Variants in FGF18 observed in about 807,000 individuals in gnomAD.
FGF18 encodes fibroblast growth factor 18.
A neutral mutation model predicts 23.0 loss-of-function variants in FGF18; 5 were observed. The observed-to-expected ratio is 0.22, with a 90% confidence interval of 0.11 to 0.46. The LOEUF (loss-of-function observed/expected upper bound fraction) is 0.46, where lower values mean the gene tolerates loss of function less well. Among genes scored for constraint, FGF18 ranks in the 20% least tolerant of loss-of-function variants. FGF18 has a pLI of 0.99. For synonymous variants in FGF18, 117 were observed against 118.9 expected, an observed-to-expected ratio of 0.98 and a Z score of 0.10; for missense variants, 180 against 291.6, an observed-to-expected ratio of 0.62 and a Z score of 2.79.
chr5:171,446,662 C>G (rs1349279574), intron 3 of FGF18, among the ~76,000 whole-genome samples: 1 of 152,136 alleles, frequency 6.6e-6, no homozygotes, highest in Non-Finnish European at 1.5e-5. Context: ...TCCTGCATCT[C>G]CCATCCCTGC....
intron 2 of FGF18, among the ~76,000 whole-genome samples, chr5:171,421,029 C>A (rs1238431815): frequency 1.3e-5 from 2 of 152,268 alleles, no homozygotes; most frequent in Non-Finnish European, 2.9e-5. Flanking sequence ...GCGCTCCGCA[C>A]TCCCTCGCCT....
intron 2 of FGF18, among the ~76,000 whole-genome samples, chr5:171,426,394 TCTC>T (rs1216853962): frequency 6.6e-6 from 1 of 152,176 alleles, no homozygotes; most frequent in Non-Finnish European, 1.5e-5. Context: ...TGTTGGCTCT[TCTC>T]TAACTCATAA....
rs1186509749 is a variant in FGF18 at position 171,436,088 on chromosome 5, C to T, written c.70-5C>T. The stretch of plus-strand genomic sequence containing the variant: ...GTGGCTTACTGTGTCCTTTTCCCTG[C>T]CCAGGTGCTGGTTGCCGAGGAGAAC... On this transcript the variant is annotated splice_polypyrimidine_tract_variant and splice_region_variant and intron_variant, in intron 2 of 4. Transcript: ENST00000274625. This position sits in a 1 kb window ranked among gnomAD's most constrained non-coding sequence, Gnocchi z 4.4. 1.2e-5 allele frequency: 18 copies of T among 1,541,874 alleles called. No homozygotes were observed. The highest frequency in any genetic ancestry group is 1.5e-5 in the Non-Finnish European group (17 of 1,138,062).
intron 3 of FGF18, among the ~76,000 whole-genome samples, chr5:171,447,613 A>G (rs1319486494): frequency 6.6e-6 from 1 of 152,088 alleles, no homozygotes; most frequent in Non-Finnish European, 1.5e-5. Flanking sequence ...TCGTATTTTA[A>G]TTAGTAGTGG....
intron 2 of FGF18, among the ~76,000 whole-genome samples, chr5:171,432,617 A>ATGGTCTTGAACTCCTGGCCTCAAGC (rs1304106806): frequency 3.3e-5 from 5 of 152,020 alleles, no homozygotes; most frequent in African/African-American, 9.7e-5. Context: ...GTATGTTAAG[A>ATGGTCTTGAACTCCTGGCCTCAAGC]TGGTCTTGAA....
intron 3 of FGF18, among the ~76,000 whole-genome samples, chr5:171,438,614 C>G (rs139000173): frequency 2.5e-4 from 38 of 152,198 alleles, no homozygotes; most frequent in Non-Finnish European, 4.1e-4. Context: ...GATCCTCTCT[C>G]AAGGAATATG....
Position 171,434,538 on chromosome 5 carries a change from C to T in FGF18, c.70-1555C>T, listed in dbSNP as rs531911848. 6.6e-6 allele frequency among the ~76,000 whole-genome samples: 1 copy of T among 152,238 alleles called. No individual in the cohort carries two copies. Among genetic ancestry groups the T allele is most frequent in the East Asian group, 1.9e-4 (1 of 5,174 alleles). On this transcript the variant is annotated intron_variant, in intron 2 of 4. Transcript: ENST00000274625. This position sits in a 1 kb window ranked among gnomAD's most constrained non-coding sequence, Gnocchi z 4.6. ...GGGAATGGGGGTCCCTTGTGCCTAGCATTGTGATAGACTTTGTGGGCACAC... is the reference window on the plus strand; with the variant it reads ...GGGAATGGGGGTCCCTTGTGCCTAGTATTGTGATAGACTTTGTGGGCACAC...
chr5:171,439,346 C>A (rs1772300419), intron 3 of FGF18, among the ~76,000 whole-genome samples: 1 of 152,216 alleles, frequency 6.6e-6, no homozygotes, highest in African/African-American at 2.4e-5. Context: ...GAATAAGGGA[C>A]TTTCTTAGCC....
In FGF18 at chr5:171,446,025, C is replaced by T. The variant is rs568989357; in HGVS notation, c.251-3122C>T. 5.9e-5 allele frequency among the ~76,000 whole-genome samples: 9 copies of T among 152,216 alleles called. No homozygotes were observed. The South Asian group carries it at 1.9e-3, about 32-fold the overall frequency. ...CTCTCTCTGTCTCATTTTCTCTCTC[C>T]CTCTCTCTCTTTCTCTGAGAACTGC... On this transcript the variant is annotated intron_variant, in intron 3 of 4. Transcript: ENST00000274625.
chr5:171,443,501 A>ATT (rs59576538), intron 3 of FGF18, among the ~76,000 whole-genome samples: 2 of 63,742 alleles, frequency 3.1e-5, no homozygotes, highest in African/African-American at 1.3e-4. Flanking sequence ...TGTTATCATC[A>ATT]TTTTTTTTTT....
At chr5:171,450,601 C>T (rs897209853) in intron 4 of FGF18, among the ~76,000 whole-genome samples, 4 of 152,364 alleles carry the variant, frequency 2.6e-5, no homozygotes, top group African/African-American at 9.6e-5. Flanking sequence ...CCAACTGAGG[C>T]TTCTCAAAGA....
intron 2 of FGF18, among the ~76,000 whole-genome samples, chr5:171,423,440 T>C (rs1373779398): frequency 6.6e-6 from 1 of 152,226 alleles, no homozygotes; most frequent in Non-Finnish European, 1.5e-5. Context: ...ACATTGTTCC[T>C]GCCGCCAGGC....
In FGF18 at chr5:171,456,964, G is replaced by A. The variant is rs942858759; in HGVS notation, c.*159G>A. 2 of 910,704 alleles carry A rather than the reference G, an allele frequency of 2.2e-6. No homozygotes were observed. The highest frequency in any genetic ancestry group is 3.2e-6 in the Non-Finnish European group (2 of 623,856). The allele number at this position is 910,704 out of a possible 1,614,324, so 56.4% of individuals were successfully genotyped here. A position where few individuals can be genotyped will look rare whatever the true frequency, so the allele number is the denominator to read the frequency against. On this transcript the variant is annotated 3_prime_UTR_variant, in exon 5 of 5. Coordinates refer to ENST00000274625, the MANE Select transcript of FGF18 (RefSeq NM_003862.3). This position sits in a 1 kb window ranked among gnomAD's most constrained non-coding sequence, Gnocchi z 6.1. ...AACTGAACCAAAACTCTTGGGGGGA[G>A]GGGTGATAAGGATTTTATTGTTGAC...
Position 171,449,247 on chromosome 5 carries a change from G to A in FGF18, c.351G>A (p.Val117=), listed in dbSNP as rs1478241437. Residue 117 remains valine (V), a synonymous_variant, in exon 4 of 5, where the codon GTG becomes GTA. Coordinates refer to ENST00000274625, the MANE Select transcript of FGF18 (RefSeq NM_003862.3). The part of the protein sequence containing the change: ...YLCMNRKGKL[V]GKPDGTSKEC... ...GCATGAACCGCAAAGGCAAGCTCGT[G>A]GGGAAGGTGAGTGATGGTTTGGGAT... The A allele has an allele frequency of 1.2e-6, 2 of 1,613,034 alleles. No individual in the cohort carries two copies. The highest frequency in any genetic ancestry group is 1.7e-5 in the Admixed American group (1 of 59,994).
At chr5:171,433,056 G>A (rs767296113) in intron 2 of FGF18, among the ~76,000 whole-genome samples, 14 of 152,202 alleles carry the variant, frequency 9.2e-5, no homozygotes, top group African/African-American at 3.4e-4. Flanking sequence ...GAAGCCCGGG[G>A]TGCTTCCTGC....
intron 2 of FGF18, 127 bp from the exon 3 acceptor site, chr5:171,435,966 T>C (rs1772238676): frequency 8.8e-6 from 6 of 678,966 alleles, no homozygotes; most frequent in Non-Finnish European, 1.3e-5. Context: ...GTTATCAGTG[T>C]GTGCCACGGC....
In FGF18 at chr5:171,449,802, AT is replaced by A. The variant is rs201655068; in HGVS notation, c.357+552del. On this transcript the variant is annotated intron_variant, in intron 4 of 4. Coordinates refer to ENST00000274625, the MANE Select transcript of FGF18 (RefSeq NM_003862.3). ...ACTTTGAAACTGGCAAGAGAGCTGCATTTAACAAATTAGGGTGGGGGCAGGA... is the reference window on the plus strand; with the variant it reads ...ACTTTGAAACTGGCAAGAGAGCTGCATTAACAAATTAGGGTGGGGGCAGGA... Among the ~76,000 whole-genome samples, 332 of 136,098 alleles carry A rather than the reference AT, an allele frequency of 2.4e-3. 2 individuals are homozygous for A. In the East Asian group the frequency reaches 0.039, roughly 16 times the overall value. 89.3% of individuals were successfully genotyped at this position (136,098 alleles called of 152,430 possible).
chr5:171,446,567 C>T (rs1027335588), intron 3 of FGF18, among the ~76,000 whole-genome samples: 4 of 152,258 alleles, frequency 2.6e-5, no homozygotes, highest in African/African-American at 4.8e-5. Flanking sequence ...GAGGTCCAGG[C>T]GTGTGCTGGG....
rs1272662992 is a variant in FGF18 at position 171,456,974 on chromosome 5, G to A, written c.*169G>A. 1.2e-6 allele frequency: 1 copy of A among 849,454 alleles called. No individual in the cohort carries two copies. Among genetic ancestry groups the A allele is most frequent in the Non-Finnish European group, 1.8e-6 (1 of 569,768 alleles). The allele number at this position is 849,454 out of a possible 1,614,324, so 52.6% of individuals were successfully genotyped here. A position where few individuals can be genotyped will look rare whatever the true frequency, so the allele number is the denominator to read the frequency against. The stretch of plus-strand genomic sequence containing the variant: ...AAACTCTTGGGGGGAGGGGTGATAA[G>A]GATTTTATTGTTGACTTGAAACCCC... On this transcript the variant is annotated 3_prime_UTR_variant, in exon 5 of 5. Transcript: ENST00000274625. This position sits in a 1 kb window ranked among gnomAD's most constrained non-coding sequence, Gnocchi z 6.1.
Sources: allele counts gnomAD v4.1 joint callset (sites outside exome capture counted in the v4.1 genomes callset), GRCh38; gene constraint gnomAD v4.1.1; non-coding constraint Gnocchi (gnomAD v3.1); transcripts MANE v1.5; gene names NCBI Gene and HGNC (gene_info 2026-07-23, HGNC 2026-07-21).